The following ZSWIM5 variants were observed in gnomAD, a reference collection of about 807,000 sequenced individuals.
ZSWIM5 encodes zinc finger SWIM domain-containing protein 5.
ZSWIM5 carries 55 observed loss-of-function variants against 119.6 expected under a neutral mutation model. The ratio of observed to expected loss-of-function variants is 0.46; its 90% CI spans 0.37 to 0.58. The LOEUF is 0.58. Ranked by LOEUF, ZSWIM5 falls within the 20% of genes least tolerant of loss-of-function variation. The pLI, the probability that ZSWIM5 is intolerant of heterozygous loss-of-function variation, is 0.00. For missense variants in ZSWIM5, 1,193 were observed against 1,512.8 expected (o/e 0.79, Z 3.51); for synonymous variants, 537 against 606.9 (o/e 0.88, Z 1.69).
intron 1 of ZSWIM5, among the ~76,000 whole-genome samples, chr1:45,117,184 A>G (rs1557771107): frequency 6.6e-6 from 1 of 152,232 alleles, no homozygotes; most frequent in Non-Finnish European, 1.5e-5. Flanking sequence ...GCAAGGTATA[A>G]AACAGTGGAG....
chr1:45,100,075 G>A (rs1645429134), intron 1 of ZSWIM5, among the ~76,000 whole-genome samples: 1 of 152,152 alleles, frequency 6.6e-6, no homozygotes, highest in Non-Finnish European at 1.5e-5. Flanking sequence ...AAGAAATAAA[G>A]GGTATCCAAT....
At chr1:45,070,117 C>T in intron 2 of ZSWIM5, 2 of 1,030,138 alleles carry the variant, frequency 1.9e-6, no homozygotes, top group South Asian at 1.3e-5. Flanking sequence ...TTCGATCAGT[C>T]CAGGATTATG....
At chr1:45,070,256 A>T (rs1375776032) in intron 2 of ZSWIM5, 1 of 1,470,670 alleles carries the variant, frequency 6.8e-7, no homozygotes. Context: ...CAGAACCAAC[A>T]CTTGGAGGTT....
chr1:45,156,859 A>C (rs1645829827), intron 1 of ZSWIM5, among the ~76,000 whole-genome samples: 2 of 152,050 alleles, frequency 1.3e-5, no homozygotes, highest in Admixed American at 1.3e-4. Context: ...TCTTGTATGT[A>C]GAAAATCTTT....
rs2149060277 is a variant in ZSWIM5 at position 45,206,569 on chromosome 1, C to T, written c.-219G>A. 2.0e-6 allele frequency: 2 copies of T among 993,824 alleles called. No homozygotes were observed. The highest frequency in any genetic ancestry group is 5.1e-4 in the Middle Eastern group (1 of 1,966). 61.6% of individuals were successfully genotyped at this position (993,824 alleles called of 1,614,324 possible). ...GGGCGGCCTGCAGGGTAGCGTGAGG[C>T]GGCGCGCGGTGTCCTGGCCGCCGCG... On this transcript the variant is annotated 5_prime_UTR_variant, in exon 1 of 14. Transcript: ENST00000359600.
At chr1:45,155,607 T>C (rs1308129955) in intron 1 of ZSWIM5, among the ~76,000 whole-genome samples, 2 of 152,102 alleles carry the variant, frequency 1.3e-5, no homozygotes, top group Non-Finnish European at 2.9e-5. Context: ...AACCTGCAAC[T>C]GCAAAAATGT....
chr1:45,177,438 G>T (rs1645988124), intron 1 of ZSWIM5, among the ~76,000 whole-genome samples: 1 of 152,046 alleles, frequency 6.6e-6, no homozygotes, highest in African/African-American at 2.4e-5. Context: ...AGTGGTAACA[G>T]CAATAGAGCA....
intron 1 of ZSWIM5, among the ~76,000 whole-genome samples, chr1:45,176,643 A>G (rs562033377): frequency 1.3e-5 from 2 of 152,184 alleles, no homozygotes; most frequent in African/African-American, 4.8e-5. Context: ...TTAGTTGATC[A>G]ATATCTATAA....
At chr1:45,156,372 C>T (rs976077345) in intron 1 of ZSWIM5, among the ~76,000 whole-genome samples, 4 of 151,842 alleles carry the variant, frequency 2.6e-5, no homozygotes, top group Non-Finnish European at 5.9e-5. Flanking sequence ...ATCAATCATA[C>T]CCCAAACATC....
rs367793864 is a variant in ZSWIM5 at position 45,028,721 on chromosome 1, T to C, written c.2449+5591A>G. On this transcript the variant is annotated intron_variant, in intron 11 of 13. Coordinates refer to ENST00000359600, the MANE Select transcript of ZSWIM5 (RefSeq NM_020883.2). ...CAGTGAGCTGAAATCGCGCCACTCATTTCAGCCTGGGTGACAGAGCGAGAC... is the reference window on the plus strand; with the variant it reads ...CAGTGAGCTGAAATCGCGCCACTCACTTCAGCCTGGGTGACAGAGCGAGAC... Among the ~76,000 whole-genome samples, 3 of 152,008 alleles carry C rather than the reference T, an allele frequency of 2.0e-5. No homozygotes were observed. The East Asian group carries it at 5.8e-4, about 29-fold the overall frequency.
At chr1:45,127,281 T>A (rs1474342309) in intron 1 of ZSWIM5, among the ~76,000 whole-genome samples, 1 of 152,124 alleles carries the variant, frequency 6.6e-6, no homozygotes, top group Non-Finnish European at 1.5e-5. Context: ...CATATAATCA[T>A]ATCAGTTGAC....
At chr1:45,025,597 T>TA (rs1263830813) in intron 11 of ZSWIM5, among the ~76,000 whole-genome samples, 3 of 152,214 alleles carry the variant, frequency 2.0e-5, no homozygotes, top group Non-Finnish European at 4.4e-5. Context: ...ACTGTGTTTT[T>TA]AATTTCAAAT....
intron 2 of ZSWIM5, among the ~76,000 whole-genome samples, chr1:45,083,776 T>G (rs75739882): frequency 0.021 from 3,142 of 152,314 alleles, 117 homozygotes; most frequent in African/African-American, 0.072. Context: ...ATTGGCTCAC[T>G]GTTCCACAAG....
intron 1 of ZSWIM5, among the ~76,000 whole-genome samples, chr1:45,115,306 G>A (rs1171647884): frequency 1.3e-5 from 2 of 151,734 alleles, no homozygotes; most frequent in Non-Finnish European, 2.9e-5. Context: ...TGGATGGGGC[G>A]GCTGGCCGGG....
At chr1:45,147,418 G>A (rs1344993707) in intron 1 of ZSWIM5, among the ~76,000 whole-genome samples, 1 of 152,020 alleles carries the variant, frequency 6.6e-6, no homozygotes, top group Non-Finnish European at 1.5e-5. Context: ...CAAAGGAAAA[G>A]AGATAGACAG....
chr1:45,062,693 G>A (rs757347550), intron 2 of ZSWIM5, among the ~76,000 whole-genome samples: 2 of 152,032 alleles, frequency 1.3e-5, no homozygotes, highest in Non-Finnish European at 2.9e-5. Context: ...TTTTTGTAGA[G>A]ATAGGGTCTT....
intron 4 of ZSWIM5, 57 bp downstream of exon 4, chr1:45,058,552 T>C (rs2148999934): frequency 1.2e-6 from 2 of 1,603,242 alleles, no homozygotes; most frequent in South Asian, 2.2e-5. Context: ...TCATAAACAC[T>C]GTTGCCACAG....
intron 1 of ZSWIM5, among the ~76,000 whole-genome samples, chr1:45,203,175 A>C (rs1646168012): frequency 6.6e-6 from 1 of 152,040 alleles, no homozygotes; most frequent in Non-Finnish European, 1.5e-5. Flanking sequence ...GCATAGCTGG[A>C]AAAGTTTTAG....
chr1:45,052,123 G>GC (rs964409763), intron 4 of ZSWIM5, among the ~76,000 whole-genome samples: 4 of 149,096 alleles, frequency 2.7e-5, no homozygotes, highest in African/African-American at 5.0e-5. Flanking sequence ...CAGCCTCAGC[G>GC]CCCCCCCTCG....
Sources: allele counts gnomAD v4.1 joint callset (sites outside exome capture counted in the v4.1 genomes callset), GRCh38; gene constraint gnomAD v4.1.1; transcripts MANE v1.5; gene names NCBI Gene and HGNC (gene_info 2026-07-23, HGNC 2026-07-21).